ANKRD44: variants seen among roughly 807,000 people sequenced by gnomAD.
The protein encoded by ANKRD44 is ankyrin repeat domain 44, also known as serine/threonine-protein phosphatase 6 regulatory ankyrin repeat subunit B.
Under a neutral mutation model 116.0 loss-of-function variants are expected in ANKRD44, and 35 were observed. The observed-to-expected ratio is 0.30, with a 90% CI of 0.23 to 0.40. ANKRD44 has a LOEUF of 0.40. Among genes scored for constraint, ANKRD44 ranks in the 10% least tolerant of loss-of-function variants. The pLI is 1.00. For missense variants in ANKRD44, 1,014 were observed against 1,242.6 expected (o/e 0.82, Z 2.77); for synonymous variants, 435 against 461.8 (o/e 0.94, Z 0.74).
Position 197,310,563 on chromosome 2 carries a change from G to T in ANKRD44, c.27+15C>A. The T allele has an allele frequency of 8.5e-7, 1 of 1,169,750 alleles. No individual in the cohort carries two copies. The allele number at this position is 1,169,750 out of a possible 1,614,324, so 72.5% of individuals were successfully genotyped here. A position where few individuals can be genotyped will look rare whatever the true frequency, so the allele number is the denominator to read the frequency against. On this transcript the variant is annotated intron_variant, in intron 1 of 27. Coordinates refer to ENST00000282272, the MANE Select transcript of ANKRD44 (RefSeq NM_001195144.2). ...GCGCCCGCGCGTCCCGCCCGCCGGC[G>T]CCGCCGCCCGCTACCTGGTCGGTGA...
At chr2:197,028,181 T>C (rs907612289) in intron 16 of ANKRD44, among the ~76,000 whole-genome samples, 65 of 152,168 alleles carry the variant, frequency 4.3e-4, no homozygotes, top group Non-Finnish European at 1.2e-4. Context: ...TATTACACTT[T>C]CAGATAAATT....
chr2:197,162,783 G>A (rs959893442), intron 2 of ANKRD44, among the ~76,000 whole-genome samples: 3 of 152,116 alleles, frequency 2.0e-5, no homozygotes, highest in African/African-American at 4.8e-5. Context: ...TGGGCTATGG[G>A]TACAGGGCAG....
At chr2:197,128,175 G>A (rs549067313) in intron 4 of ANKRD44, among the ~76,000 whole-genome samples, 74 of 152,120 alleles carry the variant, frequency 4.9e-4, no homozygotes, top group Non-Finnish European at 8.2e-4. Context: ...TGGATTGCTG[G>A]GTCAAATGGT....
intron 2 of ANKRD44, among the ~76,000 whole-genome samples, chr2:197,164,546 G>A (rs544977182): frequency 2.6e-5 from 4 of 152,328 alleles, no homozygotes; most frequent in South Asian, 4.1e-4. Context: ...AAGAAACAAA[G>A]GCCGGCTTCG....
intron 1 of ANKRD44, among the ~76,000 whole-genome samples, chr2:197,304,490 T>A (rs1179027545): frequency 2.0e-5 from 3 of 152,188 alleles, no homozygotes; most frequent in African/African-American, 7.2e-5. Context: ...CATCTGCAAA[T>A]ACACCCTTCA....
At chr2:197,197,888 CAG>C (rs1491279177) in intron 1 of ANKRD44, 6 of 151,194 alleles carry the variant, frequency 4.0e-5, no homozygotes, top group Admixed American at 2.0e-4. Flanking sequence ...ACTGGAATGT[CAG>C]AGTCAGTCTC....
chr2:197,162,488 A>T lies in ANKRD44; in HGVS notation c.112-15383T>A, dbSNP rs557708607. ...TGTCCAAAAGGCGAGTCTCAGACGG[A>T]AATGTAGAAGTGTGATGCTTTGAAA... On this transcript the variant is annotated intron_variant, in intron 2 of 27. Transcript: ENST00000282272. 3.4e-4 allele frequency among the ~76,000 whole-genome samples: 52 copies of T among 152,352 alleles called. No homozygotes were observed. In the Middle Eastern group the frequency reaches 0.01, roughly 30 times the overall value.
intron 1 of ANKRD44, among the ~76,000 whole-genome samples, chr2:197,192,706 T>C (rs756494759): frequency 2.0e-5 from 3 of 152,204 alleles, no homozygotes; most frequent in African/African-American, 7.2e-5. Context: ...CTAACTGAAT[T>C]CATGTGAGTT....
chr2:197,289,727 T>C (rs2083507406), intron 1 of ANKRD44, among the ~76,000 whole-genome samples: 1 of 152,174 alleles, frequency 6.6e-6, no homozygotes, highest in Admixed American at 6.5e-5. Flanking sequence ...AGAAGCAGAA[T>C]AGAACTCTTT....
chr2:197,136,640 G>C lies in ANKRD44; in HGVS notation c.213C>G (p.Asp71Glu). The change falls in exon 4 of 28, where the codon GAC (aspartate) becomes GAG (glutamate). Residue 71 changes from aspartate (D) to glutamate (E), a missense_variant. Coordinates refer to ENST00000282272, the MANE Select transcript of ANKRD44 (RefSeq NM_001195144.2). Reference protein sequence around the residue: ...ILSGARVNAKDNMWLTPLHRA... With the variant: ...ILSGARVNAKENMWLTPLHRA... ...GGTGCAGTGGAGTCAGCCACATGTT[G>C]TCCTTGGCATTTACACGAGCTCCTG... 1 of 1,614,158 alleles carries C rather than the reference G, an allele frequency of 6.2e-7. No individual in the cohort carries two copies. Among genetic ancestry groups the C allele is most frequent in the Non-Finnish European group, 8.5e-7 (1 of 1,180,010 alleles).
intron 1 of ANKRD44, among the ~76,000 whole-genome samples, chr2:197,206,313 A>G (rs745314880): frequency 3.3e-5 from 5 of 152,216 alleles, no homozygotes; most frequent in Non-Finnish European, 2.9e-5. Context: ...GTGAAAACAA[A>G]CATAGTCTCT....
intron 2 of ANKRD44, among the ~76,000 whole-genome samples, chr2:197,147,508 CAT>C (rs1456490570): frequency 4.7e-5 from 7 of 150,398 alleles, no homozygotes; most frequent in African/African-American, 1.7e-4. Flanking sequence ...TCTAAGGAAA[CAT>C]AGTGGAATGG....
chr2:197,118,962 T>G (rs2078787613), intron 8 of ANKRD44, among the ~76,000 whole-genome samples: 1 of 152,196 alleles, frequency 6.6e-6, no homozygotes, highest in Non-Finnish European at 1.5e-5. Flanking sequence ...ACAGGCTTAA[T>G]GTATTTTTTA....
chr2:197,086,972 T>C (rs2077940163), intron 12 of ANKRD44, among the ~76,000 whole-genome samples: 1 of 152,230 alleles, frequency 6.6e-6, no homozygotes. Flanking sequence ...TTAAAGAGCT[T>C]GGTGGAATAT....
intron 21 of ANKRD44, among the ~76,000 whole-genome samples, chr2:196,970,215 G>C (rs2075705741): frequency 6.6e-6 from 1 of 152,208 alleles, no homozygotes; most frequent in South Asian, 2.1e-4. Flanking sequence ...GAAGGACTAA[G>C]ATGCAGTCAG....
intron 20 of ANKRD44, among the ~76,000 whole-genome samples, chr2:197,006,307 TGGTCGTG>T (rs2076201602): frequency 6.6e-6 from 1 of 152,098 alleles, no homozygotes; most frequent in Admixed American, 6.5e-5. Flanking sequence ...TAGCCTGGCA[TGGTCGTG>T]GGTCCCTGTA....
intron 19 of ANKRD44, 137 bp from the exon 20 acceptor site, chr2:197,008,060 C>T: frequency 1.6e-6 from 1 of 642,556 alleles, no homozygotes; most frequent in Non-Finnish European, 2.7e-6. Context: ...CTAAGTGTCC[C>T]CAGTTTGCTA....
Position 197,099,723 on chromosome 2 carries a change from G to A in ANKRD44, c.1100+93C>T, listed in dbSNP as rs544604023. The A allele has an allele frequency of 2.0e-6, 3 of 1,532,408 alleles. No individual in the cohort carries two copies. The African/African-American group carries it at 4.1e-5, about 21-fold the overall frequency. The allele number at this position is 1,532,408 out of a possible 1,614,324, so 94.9% of individuals were successfully genotyped here. A position where few individuals can be genotyped will look rare whatever the true frequency, so the allele number is the denominator to read the frequency against. On this transcript the variant is annotated intron_variant, in intron 10 of 27. Transcript: ENST00000282272. ...TAATGGTATAGATCCACCTTAACCT[G>A]GATAAATGGGAACTATCTACTGCAC...
rs544080117 is a variant in ANKRD44 at position 197,274,702 on chromosome 2, A to G, written c.27+35876T>C. Among the ~76,000 whole-genome samples, 33 of 152,302 alleles carry G rather than the reference A, an allele frequency of 2.2e-4. No individual in the cohort carries two copies. The South Asian group carries it at 6.4e-3, about 30-fold the overall frequency. On this transcript the variant is annotated intron_variant, in intron 1 of 27. Coordinates refer to ENST00000282272, the MANE Select transcript of ANKRD44 (RefSeq NM_001195144.2). Reference sequence around the variant, plus strand: ...AGATTCCATCTTAGCATCTTCTTCTAGAGAACCCAACCTGCACCAAAGCCC... The same window carrying G: ...AGATTCCATCTTAGCATCTTCTTCTGGAGAACCCAACCTGCACCAAAGCCC...
Sources: gnomAD v4.1 joint callset for allele counts (sites outside exome capture counted in the v4.1 genomes callset) on GRCh38, gnomAD v4.1.1 for gene constraint, MANE v1.5 for transcripts, NCBI Gene and HGNC (gene_info 2026-07-23, HGNC 2026-07-21) for gene names.